Variants in GPC5 observed in about 807,000 individuals in gnomAD.
GPC5 encodes glypican-5.
GPC5 carries 47 observed loss-of-function variants against 53.9 expected under a neutral mutation model. The observed-to-expected ratio is 0.87, with a 90% confidence interval of 0.69 to 1.11. GPC5 has a LOEUF of 1.11. GPC5 is among the 50% of genes most tolerant of loss of function. GPC5 has a pLI of 0.00. For synonymous variants in GPC5, 286 were observed against 263.3 expected (o/e 1.09, Z -0.84); for missense variants, 748 against 713.1 (o/e 1.05, Z -0.56).
intron 6 of GPC5, among the ~76,000 whole-genome samples, chr13:91,949,611 G>T (rs1433728242): frequency 6.6e-6 from 1 of 152,122 alleles, no homozygotes; most frequent in South Asian, 2.1e-4. Flanking sequence ...TTATTTGATG[G>T]TCTATAGCCA....
chr13:91,557,617 A>C (rs1015984316), intron 2 of GPC5, among the ~76,000 whole-genome samples: 1 of 152,130 alleles, frequency 6.6e-6, no homozygotes, highest in African/African-American at 2.4e-5. Context: ...TTCTCTACTG[A>C]ATACAGTATG....
chr13:92,258,986 T>C (rs1051553046), intron 7 of GPC5, among the ~76,000 whole-genome samples: 5 of 152,182 alleles, frequency 3.3e-5, no homozygotes, highest in Admixed American at 6.5e-5. Context: ...AAAATTTACG[T>C]CTTGTGAGAT....
chr13:92,309,915 T>C (rs959103223), intron 7 of GPC5, among the ~76,000 whole-genome samples: 1 of 152,232 alleles, frequency 6.6e-6, no homozygotes, highest in Middle Eastern at 3.4e-3. Context: ...TGCAACCTAC[T>C]ACTTTTTATC....
intron 2 of GPC5, among the ~76,000 whole-genome samples, chr13:91,626,657 T>G (rs919040178): frequency 6.6e-6 from 1 of 152,026 alleles, no homozygotes; most frequent in African/African-American, 2.4e-5. Flanking sequence ...TTTATTTTAT[T>G]TTTTTATTTG....
intron 7 of GPC5, among the ~76,000 whole-genome samples, chr13:92,460,352 C>G (rs1380513246): frequency 6.6e-6 from 1 of 152,096 alleles, no homozygotes; most frequent in African/African-American, 2.4e-5. Context: ...ACAAGGCATA[C>G]ATTTACTCCC....
At chr13:92,050,449 A>C (rs1326511) in intron 6 of GPC5, among the ~76,000 whole-genome samples, 1 of 152,060 alleles carries the variant, frequency 6.6e-6, no homozygotes, top group Non-Finnish European at 1.5e-5. Context: ...ATACAGACAC[A>C]TATTTTGATA....
intron 5 of GPC5, among the ~76,000 whole-genome samples, chr13:91,803,497 T>C (rs1036838934): frequency 6.6e-6 from 1 of 152,100 alleles, no homozygotes; most frequent in African/African-American, 2.4e-5. Flanking sequence ...TGGTTTATGA[T>C]ATGAATGTTA....
At chr13:92,009,105 A>T (rs2040636890) in intron 6 of GPC5, among the ~76,000 whole-genome samples, 1 of 152,104 alleles carries the variant, frequency 6.6e-6, no homozygotes, top group Non-Finnish European at 1.5e-5. Flanking sequence ...CTTTTATTTT[A>T]TAGCATTATC....
chr13:91,759,599 T>A (rs1027223659), intron 5 of GPC5, among the ~76,000 whole-genome samples: 30 of 152,116 alleles, frequency 2.0e-4, no homozygotes, highest in African/African-American at 7.0e-4. Context: ...AATTTTTAGC[T>A]CCCACAAATG....
At chr13:91,505,952 G>T (rs1884915942) in intron 2 of GPC5, among the ~76,000 whole-genome samples, 1 of 151,740 alleles carries the variant, frequency 6.6e-6, no homozygotes, top group Non-Finnish European at 1.5e-5. Flanking sequence ...ATTTTATTTT[G>T]CTTTTTTTTT....
chr13:92,041,096 C>G (rs1312939737), intron 6 of GPC5, among the ~76,000 whole-genome samples: 1 of 152,168 alleles, frequency 6.6e-6, no homozygotes, highest in Non-Finnish European at 1.5e-5. Context: ...AGGTGATCCA[C>G]CCTTCTCGGC....
At chr13:91,707,087 A>G (rs966874348) in intron 3 of GPC5, among the ~76,000 whole-genome samples, 7 of 152,100 alleles carry the variant, frequency 4.6e-5, no homozygotes, top group South Asian at 2.1e-4. Flanking sequence ...TCAATATATG[A>G]CATGGTCTAA....
Position 92,037,651 on chromosome 13 carries a change from G to A in GPC5, c.1402-107179G>A, listed in dbSNP as rs370559538. On this transcript the variant is annotated intron_variant, in intron 6 of 7. Transcript: ENST00000377067. Reference sequence around the variant, plus strand: ...ATAGTGCCTGACTGGCACAGGGGGAGTCCTTAATAAATATGAATTCAGTAA... The same window carrying A: ...ATAGTGCCTGACTGGCACAGGGGGAATCCTTAATAAATATGAATTCAGTAA... 1.1e-4 allele frequency among the ~76,000 whole-genome samples: 17 copies of A among 152,222 alleles called. No individual in the cohort carries two copies. The East Asian group carries it at 2.9e-3, about 26-fold the overall frequency.
intron 7 of GPC5, among the ~76,000 whole-genome samples, chr13:92,768,496 G>C (rs1875494229): frequency 6.6e-6 from 1 of 152,026 alleles, no homozygotes; most frequent in African/African-American, 2.4e-5. Context: ...TCATTTTTAA[G>C]CAATTTTCTA....
chr13:92,825,395 C>T (rs1356493566), intron 7 of GPC5, among the ~76,000 whole-genome samples: 1 of 152,014 alleles, frequency 6.6e-6, no homozygotes, highest in Non-Finnish European at 1.5e-5. Flanking sequence ...AAAATAAAGA[C>T]AAGGGTGGTA....
chr13:91,969,708 C>T (rs2040222591), intron 6 of GPC5, among the ~76,000 whole-genome samples: 1 of 152,096 alleles, frequency 6.6e-6, no homozygotes, highest in Admixed American at 6.6e-5. Flanking sequence ...GGCAAAGGAT[C>T]TGAGCAGAGA....
chr13:92,116,342 C>A (rs1396932420), intron 6 of GPC5, among the ~76,000 whole-genome samples: 1 of 152,086 alleles, frequency 6.6e-6, no homozygotes, highest in African/African-American at 2.4e-5. Context: ...AAGAGGCCAT[C>A]TATAAGTCAA....
intron 7 of GPC5, among the ~76,000 whole-genome samples, chr13:92,534,503 A>G (rs1881663169): frequency 6.6e-6 from 1 of 152,164 alleles, no homozygotes; most frequent in South Asian, 2.1e-4. Flanking sequence ...CAAACATAAC[A>G]TTCTACATGT....
chr13:91,775,350 C>T (rs1389360317), intron 5 of GPC5, among the ~76,000 whole-genome samples: 18 of 152,098 alleles, frequency 1.2e-4, no homozygotes, highest in Non-Finnish European at 1.5e-5. Context: ...ATTTCTACTG[C>T]ACTTGGGCCT....
Sources: gnomAD v4.1 joint callset for allele counts (sites outside exome capture counted in the v4.1 genomes callset) on GRCh38, gnomAD v4.1.1 for gene constraint, MANE v1.5 for transcripts, NCBI Gene and HGNC (gene_info 2026-07-23, HGNC 2026-07-21) for gene names.